Variants in ADAMTS19 observed in about 807,000 individuals in gnomAD.
ADAMTS19 encodes the protein A disintegrin and metalloproteinase with thrombospondin motifs 19.
Under a neutral mutation model 153.3 loss-of-function variants are expected in ADAMTS19, and 93 were observed. The observed-to-expected ratio is 0.61, with a 90% CI of 0.51 to 0.72. The LOEUF is 0.72. ADAMTS19 is among the 30% of genes least tolerant of loss of function. The probability of loss-of-function intolerance (pLI) is 0.00; values close to 1 mark genes in which losing one functional copy is unlikely to be tolerated. For synonymous variants in ADAMTS19, 600 were observed against 556.6 expected (o/e 1.08, Z -1.10); for missense variants, 1,482 against 1,552.1 (o/e 0.95, Z 0.76).
intron 2 of ADAMTS19, among the ~76,000 whole-genome samples, chr5:129,464,847 T>C (rs1052139267): frequency 3.3e-5 from 5 of 152,360 alleles, no homozygotes; most frequent in African/African-American, 1.2e-4. Context: ...TAGTGTATTA[T>C]TGAATAACAG....
intron 2 of ADAMTS19, among the ~76,000 whole-genome samples, chr5:129,486,207 T>C (rs1293931957): frequency 6.6e-6 from 1 of 152,148 alleles, no homozygotes; most frequent in Non-Finnish European, 1.5e-5. Context: ...CTTTAAGAAA[T>C]TTGAAAGGAG....
At chr5:129,700,928 A>G (rs1755811802) in intron 19 of ADAMTS19, among the ~76,000 whole-genome samples, 1 of 151,912 alleles carries the variant, frequency 6.6e-6, no homozygotes, top group Non-Finnish European at 1.5e-5. Flanking sequence ...TAAAGTCTCC[A>G]TGTAACATTC....
chr5:129,506,169 TC>T (rs1751263239), intron 2 of ADAMTS19, among the ~76,000 whole-genome samples: 1 of 152,154 alleles, frequency 6.6e-6, no homozygotes, highest in Non-Finnish European at 1.5e-5. Flanking sequence ...CCTCAAGATT[TC>T]CTATAATTCT....
intron 3 of ADAMTS19, among the ~76,000 whole-genome samples, chr5:129,522,569 T>A (rs1751862019): frequency 6.6e-6 from 1 of 151,766 alleles, no homozygotes; most frequent in South Asian, 2.1e-4. Flanking sequence ...ACATGATATT[T>A]GAGTAAAACT....
chr5:129,728,699 T>A (rs1286957701), intron 21 of ADAMTS19, among the ~76,000 whole-genome samples: 1 of 152,268 alleles, frequency 6.6e-6, no homozygotes, highest in East Asian at 1.9e-4. Flanking sequence ...GCTTCCACAG[T>A]GGTAGTAATC....
chr5:129,720,328 C>A (rs147289280), intron 21 of ADAMTS19, among the ~76,000 whole-genome samples: 1 of 151,706 alleles, frequency 6.6e-6, no homozygotes, highest in East Asian at 2.0e-4. Context: ...TCCGCCACCA[C>A]GCCCGGCTGA....
At chr5:129,487,012 C>G (rs527236310) in intron 2 of ADAMTS19, among the ~76,000 whole-genome samples, 3 of 152,108 alleles carry the variant, frequency 2.0e-5, no homozygotes, top group African/African-American at 2.4e-5. Context: ...CCTCTTACCC[C>G]CTTCCTGTCA....
chr5:129,533,704 T>G (rs951921957), intron 6 of ADAMTS19, among the ~76,000 whole-genome samples: 1 of 152,144 alleles, frequency 6.6e-6, no homozygotes, highest in African/African-American at 2.4e-5. Context: ...CAATTTTAGA[T>G]CTTTCCTGCT....
rs527801092 is a variant in ADAMTS19, at chr5:129,708,843, A to G, written c.3312+4452A>G. Among the ~76,000 whole-genome samples the G allele has an allele frequency of 6.6e-5, 10 of 152,268 alleles. No homozygotes were observed. The East Asian group carries it at 1.9e-3, about 29-fold the overall frequency. ...TTCTAGGAAATGATTAGTTTTGGAC[A>G]CATATAAAGTTATGACATATTAACA... On this transcript the variant is annotated intron_variant, in intron 21 of 22. Transcript: ENST00000274487.
intron 2 of ADAMTS19, among the ~76,000 whole-genome samples, chr5:129,476,238 A>G (rs924870030): frequency 6.6e-6 from 1 of 152,182 alleles, no homozygotes; most frequent in African/African-American, 2.4e-5. Context: ...AACAATTTCA[A>G]ACCACTAACA....
intron 1 of ADAMTS19, chr5:129,460,737 C>A (rs1192379080): frequency 3.5e-6 from 2 of 575,104 alleles, no homozygotes; most frequent in Non-Finnish European, 6.2e-6. Flanking sequence ...ACGTTTACAG[C>A]ACCTGGAGGA....
intron 2 of ADAMTS19, among the ~76,000 whole-genome samples, chr5:129,501,444 C>T (rs1751104142): frequency 6.6e-6 from 1 of 152,116 alleles, no homozygotes; most frequent in Non-Finnish European, 1.5e-5. Context: ...GGGGCCTGGC[C>T]TGGCTATTGA....
chr5:129,462,625 C>A (rs1037595748), intron 2 of ADAMTS19, among the ~76,000 whole-genome samples: 1 of 150,690 alleles, frequency 6.6e-6, no homozygotes, highest in Non-Finnish European at 1.5e-5. Context: ...GTGGGGGGGT[C>A]AAATATGCAT....
At chr5:129,499,942 T>C (rs946377068) in intron 2 of ADAMTS19, among the ~76,000 whole-genome samples, 2 of 152,134 alleles carry the variant, frequency 1.3e-5, no homozygotes, top group African/African-American at 2.4e-5. Context: ...ATTCATATTA[T>C]ACATGTATAG....
chr5:129,589,214 T>G (rs576671284), intron 7 of ADAMTS19, among the ~76,000 whole-genome samples: 2 of 138,288 alleles, frequency 1.4e-5, no homozygotes, highest in Non-Finnish European at 3.0e-5. Flanking sequence ...ACTATCACTG[T>G]TTTTTTTTAA....
intron 21 of ADAMTS19, among the ~76,000 whole-genome samples, chr5:129,712,478 A>C (rs1756527385): frequency 6.6e-6 from 1 of 152,230 alleles, no homozygotes; most frequent in Non-Finnish European, 1.5e-5. Context: ...GAGTACTTAC[A>C]AAACTTGCTA....
intron 7 of ADAMTS19, among the ~76,000 whole-genome samples, chr5:129,557,375 A>G (rs901682654): frequency 6.6e-6 from 1 of 152,110 alleles, no homozygotes; most frequent in African/African-American, 2.4e-5. Context: ...AGGCAGGCAG[A>G]TTGCTTCAGG....
intron 19 of ADAMTS19, among the ~76,000 whole-genome samples, chr5:129,698,632 T>G (rs1755679902): frequency 6.6e-6 from 1 of 152,204 alleles, no homozygotes; most frequent in South Asian, 2.1e-4. Flanking sequence ...CTTTTTATAA[T>G]TATATTGAGG....
At chr5:129,538,089 T>C (rs1347606350) in intron 6 of ADAMTS19, among the ~76,000 whole-genome samples, 1 of 152,078 alleles carries the variant, frequency 6.6e-6, no homozygotes, top group Admixed American at 6.6e-5. Flanking sequence ...TTCTTAACAG[T>C]AATAGATTTG....
Sources: allele counts gnomAD v4.1 joint callset (sites outside exome capture counted in the v4.1 genomes callset), GRCh38; gene constraint gnomAD v4.1.1; transcripts MANE v1.5; gene names NCBI Gene and HGNC (gene_info 2026-07-23, HGNC 2026-07-21).